The following ACER3 variants were observed in gnomAD, a reference collection of about 807,000 sequenced individuals.
ACER3 encodes alkCDase 3.
Under a neutral mutation model 48.9 loss-of-function variants are expected in ACER3, and 16 were observed. The observed-to-expected ratio is 0.33, with a 90% CI of 0.22 to 0.50. The LOEUF (loss-of-function observed/expected upper bound fraction) is 0.50, where lower values mean the gene tolerates loss of function less well. Among genes scored for constraint, ACER3 ranks in the 20% least tolerant of loss-of-function variants. The pLI, the probability that ACER3 is intolerant of heterozygous loss-of-function variation, is 0.98. For missense variants in ACER3, 227 were observed against 326.0 expected (o/e 0.70, Z 2.34); for synonymous variants, 109 against 107.8 (o/e 1.01, Z -0.07).
intron 1 of ACER3, among the ~76,000 whole-genome samples, chr11:76,883,234 T>A (rs568800820): frequency 5.3e-5 from 8 of 152,312 alleles, no homozygotes; most frequent in Admixed American, 5.2e-4. Context: ...CGTATTTTTC[T>A]GAGGGGGAAT....
At chr11:76,987,306 C>T (rs1948706348) in intron 5 of ACER3, among the ~76,000 whole-genome samples, 1 of 152,032 alleles carries the variant, frequency 6.6e-6, no homozygotes, top group South Asian at 2.1e-4. Flanking sequence ...GGATATGTGA[C>T]CCACTTCATA....
chr11:76,863,521 G>A lies in ACER3; in HGVS notation c.103+2442G>A, dbSNP rs113726075. Among the ~76,000 whole-genome samples the A allele has an allele frequency of 1.4e-3, 213 of 152,256 alleles. 2 individuals are homozygous for A. Among genetic ancestry groups the A allele is most frequent in the African/African-American group, 4.9e-3 (204 of 41,546 alleles). On this transcript the variant is annotated intron_variant, in intron 1 of 10. Coordinates refer to ENST00000532485, the MANE Select transcript of ACER3 (RefSeq NM_018367.7). Reference sequence around the variant, plus strand: ...GTCATCTTACCATAGCAAGTCATGAGTATCTACAGTAATATATCTTGGACT... The same window carrying A: ...GTCATCTTACCATAGCAAGTCATGAATATCTACAGTAATATATCTTGGACT...
At chr11:76,985,242 T>A (rs1291245703) in intron 4 of ACER3, among the ~76,000 whole-genome samples, 1 of 152,182 alleles carries the variant, frequency 6.6e-6, no homozygotes, top group Non-Finnish European at 1.5e-5. Flanking sequence ...TAGCTGGGAC[T>A]ACAGGTGTAC....
chr11:77,003,497 C>G (rs1591056754), intron 7 of ACER3, among the ~76,000 whole-genome samples: 1 of 152,062 alleles, frequency 6.6e-6, no homozygotes, highest in East Asian at 1.9e-4. Flanking sequence ...TTTTATTGAT[C>G]TTTTTAAAAA....
intron 1 of ACER3, among the ~76,000 whole-genome samples, chr11:76,864,928 T>C (rs1270808669): frequency 6.7e-6 from 1 of 149,170 alleles, no homozygotes; most frequent in Non-Finnish European, 1.5e-5. Flanking sequence ...AATTTTTTTT[T>C]TTTTTTTTTT....
intron 5 of ACER3, among the ~76,000 whole-genome samples, chr11:76,986,146 TC>T (rs1392225274): frequency 2.0e-5 from 3 of 152,214 alleles, no homozygotes; most frequent in African/African-American, 7.2e-5. Flanking sequence ...ATGCTTTTTT[TC>T]TCAAGTAAAT....
intron 3 of ACER3, among the ~76,000 whole-genome samples, chr11:76,974,776 T>TAAAAA (rs11323448): frequency 6.6e-6 from 1 of 151,170 alleles, no homozygotes; most frequent in Non-Finnish European, 1.5e-5. Context: ...ATGAAGGGGT[T>TAAAAA]AAAAAAAAAG....
Position 77,025,318 on chromosome 11 carries a change from A to G in ACER3, c.*4991A>G, listed in dbSNP as rs1294430364. On this transcript the variant is annotated 3_prime_UTR_variant, in exon 11 of 11. Transcript: ENST00000532485. ...TCTAGATCAGGGGTTGGTAAACTAC[A>G]ACCCATGGGCCAAATTCAGGCTGCG... The G allele has an allele frequency of 6.6e-6, 1 of 151,278 alleles. No individual in the cohort carries two copies. The highest frequency in any genetic ancestry group is 1.5e-5 in the Non-Finnish European group (1 of 67,916). The allele number at this position is 151,278 out of a possible 1,614,324, so 9.4% of individuals were successfully genotyped here. A position where few individuals can be genotyped will look rare whatever the true frequency, so the allele number is the denominator to read the frequency against.
intron 1 of ACER3, among the ~76,000 whole-genome samples, chr11:76,873,749 A>AT (rs112877322): frequency 0.11 from 16,318 of 148,594 alleles, 2,886 homozygotes; most frequent in African/African-American, 0.38. Flanking sequence ...GAAATGATTG[A>AT]TTTTTTTTTT....
At chr11:76,938,902 A>G (rs941939434) in intron 2 of ACER3, among the ~76,000 whole-genome samples, 1 of 151,628 alleles carries the variant, frequency 6.6e-6, no homozygotes, top group Admixed American at 6.6e-5. Flanking sequence ...GAAGTGGCCC[A>G]TTTTTGGGCT....
intron 1 of ACER3, among the ~76,000 whole-genome samples, chr11:76,872,544 G>A (rs758941241): frequency 4.6e-5 from 7 of 152,156 alleles, no homozygotes; most frequent in Non-Finnish European, 7.3e-5. Flanking sequence ...GAAGTGGTCT[G>A]CCTAAGATTA....
intron 3 of ACER3, among the ~76,000 whole-genome samples, chr11:76,965,445 G>A (rs1948112841): frequency 6.6e-6 from 1 of 151,180 alleles, no homozygotes; most frequent in Non-Finnish European, 1.5e-5. Context: ...TCAAATTCAG[G>A]AAATACAAAG....
At chr11:76,954,278 C>G (rs1177454667) in intron 2 of ACER3, among the ~76,000 whole-genome samples, 1 of 152,122 alleles carries the variant, frequency 6.6e-6, no homozygotes, top group Non-Finnish European at 1.5e-5. Flanking sequence ...TTTCTATAAA[C>G]CATGCATGCG....
At chr11:76,883,438 CTTTTTT>C (rs60656670) in intron 1 of ACER3, among the ~76,000 whole-genome samples, 4 of 98,936 alleles carry the variant, frequency 4.0e-5, no homozygotes, top group Admixed American at 1.3e-4. Flanking sequence ...GATTTTCTTG[CTTTTTT>C]TTTTTTTTTT....
chr11:76,998,120 T>A (rs1948953498), intron 6 of ACER3, among the ~76,000 whole-genome samples: 1 of 152,202 alleles, frequency 6.6e-6, no homozygotes, highest in African/African-American at 2.4e-5. Context: ...TGGCTTTATA[T>A]GTATTTGCTA....
chr11:76,957,596 A>G (rs966019880), intron 2 of ACER3: 5 of 301,788 alleles, frequency 1.7e-5, no homozygotes, highest in Non-Finnish European at 2.6e-5. Flanking sequence ...GGTGTGTATC[A>G]CCATGTCTGG....
intron 2 of ACER3, among the ~76,000 whole-genome samples, chr11:76,948,386 C>A (rs1947540536): frequency 6.6e-6 from 1 of 152,088 alleles, no homozygotes; most frequent in Admixed American, 6.6e-5. Context: ...ACCTAAATGG[C>A]TTCTTATCAG....
chr11:76,878,137 TC>T (rs1327461843), intron 1 of ACER3, among the ~76,000 whole-genome samples: 1 of 152,088 alleles, frequency 6.6e-6, no homozygotes, highest in Non-Finnish European at 1.5e-5. Flanking sequence ...CTGTGAACAT[TC>T]TTGTGCATCT....
chr11:77,019,508 G>C (rs1949434926), intron 9 of ACER3: 2 of 548,854 alleles, frequency 3.6e-6, no homozygotes, highest in African/African-American at 3.8e-5. Context: ...CTATAAAATG[G>C]AACAACAAAG....
Sources: gnomAD v4.1 joint callset for allele counts (sites outside exome capture counted in the v4.1 genomes callset) on GRCh38, gnomAD v4.1.1 for gene constraint, MANE v1.5 for transcripts, NCBI Gene and HGNC (gene_info 2026-07-23, HGNC 2026-07-21) for gene names.